Variants in ATXN10 observed in about 807,000 individuals in gnomAD.
ATXN10 encodes the protein ataxin-10.
A neutral mutation model predicts 52.9 loss-of-function variants in ATXN10; 28 were observed. The observed-to-expected ratio is 0.53, with a 90% CI of 0.39 to 0.73. The LOEUF (loss-of-function observed/expected upper bound fraction) is 0.73, where lower values mean the gene tolerates loss of function less well. Among genes scored for constraint, ATXN10 ranks in the 30% least tolerant of loss-of-function variants. The pLI, the probability that ATXN10 is intolerant of heterozygous loss-of-function variation, is 0.00. For missense variants in ATXN10, 565 were observed against 577.0 expected (o/e 0.98, Z 0.21); for synonymous variants, 226 against 221.5 (o/e 1.02, Z -0.18).
Position 45,683,251 on chromosome 22 carries a change from G to A in ATXN10, c.117-6461G>A, listed in dbSNP as rs963988836. Among the ~76,000 whole-genome samples, 1 of 152,168 alleles carries A rather than the reference G, an allele frequency of 6.6e-6. No homozygotes were observed. The highest frequency in any genetic ancestry group is 1.5e-5 in the Non-Finnish European group (1 of 68,022). On this transcript the variant is annotated intron_variant, in intron 1 of 11. Coordinates refer to ENST00000252934, the MANE Select transcript of ATXN10 (RefSeq NM_013236.4). The surrounding 1 kb of genome is among the most constrained non-coding windows in gnomAD (Gnocchi z 4.8). ...TGAGAATTGCTTGAACTTGGGAGGC[G>A]GGGGTTGCAGTGAGCTGAGATCCTG...
At chr22:45,793,853 T>G in intron 9 of ATXN10, 1 of 1,287,168 alleles carries the variant, frequency 7.8e-7, no homozygotes, top group Admixed American at 4.1e-5. Flanking sequence ...GGTGAGCTGG[T>G]GGTGGTAAAC....
At chr22:45,673,760 C>CTTTTTAAGGTTATTTTTTTT (rs1922569414) in intron 1 of ATXN10, 2 of 152,036 alleles carry the variant, frequency 1.3e-5, no homozygotes, top group Admixed American at 1.3e-4. Context: ...CCAGGAGAGG[C>CTTTTTAAGGTTATTTTTTTT]TTTTTAAGGT....
intron 9 of ATXN10, among the ~76,000 whole-genome samples, chr22:45,753,014 G>A (rs1418159443): frequency 2.0e-5 from 3 of 152,106 alleles, no homozygotes; most frequent in Admixed American, 6.5e-5. Context: ...GATTACAGGC[G>A]TAAGCTACCG....
chr22:45,698,006 A>G (rs1484304245), intron 3 of ATXN10, among the ~76,000 whole-genome samples: 1 of 151,634 alleles, frequency 6.6e-6, no homozygotes, highest in African/African-American at 2.4e-5. Context: ...GTGGAATAAT[A>G]CTCCGTTGTT....
chr22:45,713,369 G>A (rs1924324683), intron 5 of ATXN10, among the ~76,000 whole-genome samples: 1 of 152,202 alleles, frequency 6.6e-6, no homozygotes, highest in South Asian at 2.1e-4. Flanking sequence ...GGAAAATGAT[G>A]TAAAGTGTAG....
In ATXN10 at chr22:45,728,951, C is replaced by T. The variant is rs564472593; in HGVS notation, c.729-474C>T. On this transcript the variant is annotated intron_variant, in intron 6 of 11. Transcript: ENST00000252934. The surrounding 1 kb of genome is among the most constrained non-coding windows in gnomAD (Gnocchi z 4.3). Reference sequence around the variant, plus strand: ...TTGTGACACTGGACAAGTTAATTAACCTCACCAAGCCTTATTTACCCACCT... The same window carrying T: ...TTGTGACACTGGACAAGTTAATTAATCTCACCAAGCCTTATTTACCCACCT... Among the ~76,000 whole-genome samples, 15 of 152,186 alleles carry T rather than the reference C, an allele frequency of 9.9e-5. No individual in the cohort carries two copies. The highest frequency in any genetic ancestry group is 1.6e-4 in the Non-Finnish European group (11 of 68,028).
rs1387731608 is a variant in ATXN10 at position 45,787,216 on chromosome 22, T to A, written c.1174-19743T>A. Among the ~76,000 whole-genome samples the A allele has an allele frequency of 1.3e-5, 2 of 152,186 alleles. No individual in the cohort carries two copies. The highest frequency in any genetic ancestry group is 2.9e-5 in the Non-Finnish European group (2 of 68,038). ...ACACAGAGAATTTTCATGGATAGGA[T>A]CTGTCCCCATCTCAGGGTTGGGGCT... On this transcript the variant is annotated intron_variant, in intron 9 of 11. Transcript: ENST00000252934. This position sits in a 1 kb window ranked among gnomAD's most constrained non-coding sequence, Gnocchi z 4.2.
intron 9 of ATXN10, among the ~76,000 whole-genome samples, chr22:45,788,979 G>A (rs80247668): frequency 0.039 from 5,990 of 152,152 alleles, 433 homozygotes; most frequent in African/African-American, 0.14. Context: ...TCTGTGCCAG[G>A]ACCGTCACCC....
chr22:45,780,544 C>A lies in ATXN10; in HGVS notation c.1174-26415C>A, dbSNP rs1389856211. Among the ~76,000 whole-genome samples, 1 of 152,096 alleles carries A rather than the reference C, an allele frequency of 6.6e-6. No homozygotes were observed. Among genetic ancestry groups the A allele is most frequent in the Non-Finnish European group, 1.5e-5 (1 of 67,980 alleles). On this transcript the variant is annotated intron_variant, in intron 9 of 11. Transcript: ENST00000252934. The surrounding 1 kb of genome is among the most constrained non-coding windows in gnomAD (Gnocchi z 4.0). ...GATGTGAACCTGTGCCAGCCTGTTT[C>A]CCCCTCTGTAGAATGGGATAACAGG...
intron 9 of ATXN10, among the ~76,000 whole-genome samples, chr22:45,742,696 TTTG>T (rs1362321425): frequency 6.6e-6 from 1 of 152,128 alleles, no homozygotes; most frequent in African/African-American, 2.4e-5. Flanking sequence ...GTTAGGGTAA[TTTG>T]TTATGTAGCC....
At chr22:45,719,341 G>C (rs1203477866) in intron 6 of ATXN10, among the ~76,000 whole-genome samples, 1 of 151,976 alleles carries the variant, frequency 6.6e-6, no homozygotes, top group African/African-American at 2.4e-5. Context: ...TAAGCTTTGT[G>C]TACTTTTGTA....
rs975716047 is a variant in ATXN10, at chr22:45,696,242, A to T, written c.391+3164A>T. The stretch of plus-strand genomic sequence containing the variant: ...CAAAATTGGGGAATTATAAATTAGC[A>T]GTAAAGTCCGTGTTTCACAGTGTCA... On this transcript the variant is annotated intron_variant, in intron 3 of 11. Coordinates refer to ENST00000252934, the MANE Select transcript of ATXN10 (RefSeq NM_013236.4). This position sits in a 1 kb window ranked among gnomAD's most constrained non-coding sequence, Gnocchi z 4.7. Among the ~76,000 whole-genome samples the T allele has an allele frequency of 1.3e-5, 2 of 152,220 alleles. No homozygotes were observed. Among genetic ancestry groups the T allele is most frequent in the African/African-American group, 4.8e-5 (2 of 41,456 alleles).
chr22:45,731,029 T>G (rs1925071388), intron 7 of ATXN10, among the ~76,000 whole-genome samples: 1 of 152,232 alleles, frequency 6.6e-6, no homozygotes, highest in South Asian at 2.1e-4. Flanking sequence ...CAGGTCTTGT[T>G]TTATCAGGGC....
At chr22:45,767,783 G>A (rs986330000) in intron 9 of ATXN10, among the ~76,000 whole-genome samples, 9 of 152,142 alleles carry the variant, frequency 5.9e-5, no homozygotes, top group African/African-American at 1.9e-4. Context: ...TTAAAACATC[G>A]TATTTTGACA....
At chr22:45,753,438 C>G (rs1297358450) in intron 9 of ATXN10, among the ~76,000 whole-genome samples, 1 of 104,100 alleles carries the variant, frequency 9.6e-6, no homozygotes, top group Non-Finnish European at 1.7e-5. Flanking sequence ...GACAGAGTCT[C>G]GCTCTTGCCC....
intron 9 of ATXN10, among the ~76,000 whole-genome samples, chr22:45,761,193 T>C (rs929802415): frequency 6.6e-6 from 1 of 152,194 alleles, no homozygotes; most frequent in African/African-American, 2.4e-5. Flanking sequence ...TGATTTCGGC[T>C]CACTGCAACC....
At position 45,759,625 on chromosome 22, in the gene ATXN10, T is replaced by C. The variant is rs1926306350; in HGVS notation, c.1173+19087T>C. 6.6e-6 allele frequency among the ~76,000 whole-genome samples: 1 copy of C among 152,092 alleles called. No individual in the cohort carries two copies. The highest frequency in any genetic ancestry group is 2.1e-4 in the South Asian group (1 of 4,832). On this transcript the variant is annotated intron_variant, in intron 9 of 11. Transcript: ENST00000252934. This position sits in a 1 kb window ranked among gnomAD's most constrained non-coding sequence, Gnocchi z 5.4. ...TGAGGGAGCTGAGGCTGCACGAGGA[T>C]GAGCAAGGTTTCATAATGTCCTCCA...
rs952265402 is a variant in ATXN10 at position 45,774,804 on chromosome 22, G to A, written c.1174-32155G>A. Among the ~76,000 whole-genome samples the A allele has an allele frequency of 5.3e-5, 8 of 152,110 alleles. No homozygotes were observed. Among genetic ancestry groups the A allele is most frequent in the African/African-American group, 7.2e-5 (3 of 41,440 alleles). On this transcript the variant is annotated intron_variant, in intron 9 of 11. Coordinates refer to ENST00000252934, the MANE Select transcript of ATXN10 (RefSeq NM_013236.4). The surrounding 1 kb of genome is among the most constrained non-coding windows in gnomAD (Gnocchi z 6.2). ...AAAAATTAGCTGAGTGTGGTGGCACGCGCCTGTAATCCCAGTTACTGGGGA... is the reference window on the plus strand; with the variant it reads ...AAAAATTAGCTGAGTGTGGTGGCACACGCCTGTAATCCCAGTTACTGGGGA...
chr22:45,677,890 GA>G lies in ATXN10; in HGVS notation c.116+5715del, dbSNP rs1362640406. 6.6e-6 allele frequency: 1 copy of G among 152,144 alleles called. No individual in the cohort carries two copies. Among genetic ancestry groups the G allele is most frequent in the Non-Finnish European group, 1.5e-5 (1 of 68,036 alleles). The allele number at this position is 152,144 out of a possible 1,614,324, so 9.4% of individuals were successfully genotyped here. A position where few individuals can be genotyped will look rare whatever the true frequency, so the allele number is the denominator to read the frequency against. ...CATGTAAAGTGGTGCTGCTACTATG[GA>G]AAATAATTTGGTGGGTCCTCAAAAA... On this transcript the variant is annotated intron_variant, in intron 1 of 11. Coordinates refer to ENST00000252934, the MANE Select transcript of ATXN10 (RefSeq NM_013236.4). The surrounding 1 kb of genome is among the most constrained non-coding windows in gnomAD (Gnocchi z 4.1).
Sources: gnomAD v4.1 joint callset for allele counts (sites outside exome capture counted in the v4.1 genomes callset) on GRCh38, gnomAD v4.1.1 for gene constraint, Gnocchi (gnomAD v3.1) non-coding constraint, MANE v1.5 for transcripts, NCBI Gene and HGNC (gene_info 2026-07-23, HGNC 2026-07-21) for gene names.